Variants in SENP7 observed in about 807,000 individuals in gnomAD.
The protein encoded by SENP7 is SUMO specific peptidase 7.
In SENP7, 64 loss-of-function variants were observed where a neutral mutation model predicts 141.2. That is an observed-to-expected ratio of 0.45 (90% confidence interval 0.37 to 0.56). The LOEUF is 0.56. Among genes scored for constraint, SENP7 ranks in the 20% least tolerant of loss-of-function variants. The probability of loss-of-function intolerance (pLI) is 0.00; values close to 1 mark genes in which losing one functional copy is unlikely to be tolerated. For synonymous variants in SENP7, 382 were observed against 426.4 expected, an observed-to-expected ratio of 0.90 and a Z score of 1.28; for missense variants, 1,025 against 1,212.2, an observed-to-expected ratio of 0.85 and a Z score of 2.29.
Position 101,384,937 on chromosome 3 carries a change from C to T in SENP7, c.678-12811G>A, listed in dbSNP as rs529437060. 1.7e-4 allele frequency among the ~76,000 whole-genome samples: 26 copies of T among 152,266 alleles called. No homozygotes were observed. The Middle Eastern group carries it at 0.01, about 60-fold the overall frequency. On this transcript the variant is annotated intron_variant, in intron 6 of 23. Coordinates refer to ENST00000394095, the MANE Select transcript of SENP7 (RefSeq NM_020654.5). Reference sequence around the variant, plus strand: ...TAAACCTCATTTCTTACATACTACCCAGTATTGGGTATTTCACTAATAGCA... The same window carrying T: ...TAAACCTCATTTCTTACATACTACCTAGTATTGGGTATTTCACTAATAGCA...
At chr3:101,488,632 A>C (rs1162010778) in intron 3 of SENP7, among the ~76,000 whole-genome samples, 3 of 152,198 alleles carry the variant, frequency 2.0e-5, no homozygotes, top group Non-Finnish European at 2.9e-5. Flanking sequence ...GCCTGAGCTC[A>C]GAAGTTCGAG....
intron 4 of SENP7, among the ~76,000 whole-genome samples, chr3:101,452,506 C>A (rs1310397272): frequency 6.6e-6 from 1 of 152,128 alleles, no homozygotes; most frequent in Non-Finnish European, 1.5e-5. Context: ...GGTACTGGTA[C>A]CAAAACAGAG....
rs992528262 is a variant in SENP7, at chr3:101,380,440, C to CG, written c.678-8315_678-8314insC. Among the ~76,000 whole-genome samples, 19 of 105,642 alleles carry CG rather than the reference C, an allele frequency of 1.8e-4. 1 individual carries two copies. The highest frequency in any genetic ancestry group is 1.7e-3 in the Admixed American group (14 of 8,196). The allele number at this position is 105,642 out of a possible 152,430, so 69.3% of individuals were successfully genotyped here. Reference sequence around the variant, plus strand: ...AGAACGTAAAGCAAACCACCGCCCCCCCCCCCACACACACACACAAAACAA... The same window carrying CG: ...AGAACGTAAAGCAAACCACCGCCCCCGCCCCCCACACACACACACAAAACAA... On this transcript the variant is annotated intron_variant, in intron 6 of 23. Transcript: ENST00000394095.
At chr3:101,328,340 T>C in intron 22 of SENP7, 138 bp downstream of exon 22, 1 of 579,218 alleles carries the variant, frequency 1.7e-6, no homozygotes, top group Non-Finnish European at 3.1e-6. Context: ...TATTTATTAT[T>C]GATTAAATTT....
At chr3:101,342,458 T>G (rs1174075190) in intron 14 of SENP7, among the ~76,000 whole-genome samples, 2 of 152,214 alleles carry the variant, frequency 1.3e-5, no homozygotes, top group East Asian at 3.8e-4. Context: ...ATTTTAGACT[T>G]ACAAAAGAGT....
rs2058853940 is a variant in SENP7, at chr3:101,324,518, G to A, written c.*1425C>T. On this transcript the variant is annotated 3_prime_UTR_variant, in exon 24 of 24. Coordinates refer to ENST00000394095, the MANE Select transcript of SENP7 (RefSeq NM_020654.5). ...GTACCCCCCAACACACACAAATTGG[G>A]AATGAAATATGTAATTATAGCCATC... The A allele has an allele frequency of 6.6e-6, 1 of 151,816 alleles. No individual in the cohort carries two copies. Among genetic ancestry groups the A allele is most frequent in the African/African-American group, 2.4e-5 (1 of 41,342 alleles). 9.4% of individuals were successfully genotyped at this position (151,816 alleles called of 1,614,324 possible). A position where few individuals can be genotyped will look rare whatever the true frequency, so the allele number is the denominator to read the frequency against.
At chr3:101,370,654 T>G (rs1576123697) in intron 7 of SENP7, among the ~76,000 whole-genome samples, 2 of 152,204 alleles carry the variant, frequency 1.3e-5, no homozygotes, top group Non-Finnish European at 2.9e-5. Flanking sequence ...AATCTACAGA[T>G]GCAGAACACA....
rs1370087695 is a variant in SENP7, at chr3:101,343,744, C to T, written c.2048G>A (p.Cys683Tyr). The T allele has an allele frequency of 1.9e-6, 3 of 1,613,300 alleles. No homozygotes were observed. In the African/African-American group the frequency reaches 4.0e-5, roughly 22 times the overall value. ...SFIHYYCVSTCSFPAGVAVAE... is the reference protein window; with the variant it reads ...SFIHYYCVSTYSFPAGVAVAE... ...AACAGCAACACCAGCAGGGAAAGAA[C>T]AAGTTGAAACACAGTAATAATGAAT... Residue 683 changes from cysteine to tyrosine, a missense_variant, in exon 14 of 24, where the codon TGT becomes TAT. Transcript: ENST00000394095.
chr3:101,458,946 A>C lies in SENP7; in HGVS notation c.284+9T>G, dbSNP rs372853622. On this transcript the variant is annotated intron_variant, in intron 4 of 23. Coordinates refer to ENST00000394095, the MANE Select transcript of SENP7 (RefSeq NM_020654.5). The stretch of plus-strand genomic sequence containing the variant: ...AGCCCATACTATGTCGCACACACAC[A>C]TATCTTACCTTTCTGGTGATGACTT... The C allele has an allele frequency of 3.7e-5, 58 of 1,547,466 alleles. No homozygotes were observed. In the South Asian group the frequency reaches 6.4e-4, roughly 17 times the overall value.
chr3:101,500,264 T>A (rs778956105), intron 2 of SENP7, among the ~76,000 whole-genome samples: 6 of 152,206 alleles, frequency 3.9e-5, no homozygotes, highest in African/African-American at 9.6e-5. Context: ...GAAAAAAAAT[T>A]ATCTCTATAT....
intron 3 of SENP7, among the ~76,000 whole-genome samples, chr3:101,478,320 A>G (rs1362535418): frequency 6.6e-6 from 1 of 152,076 alleles, no homozygotes; most frequent in Non-Finnish European, 1.5e-5. Context: ...GAGTTTAAGA[A>G]CAGCCTAGGC....
At chr3:101,506,206 G>C (rs1207559402) in intron 1 of SENP7, among the ~76,000 whole-genome samples, 1 of 151,798 alleles carries the variant, frequency 6.6e-6, no homozygotes, top group Admixed American at 6.6e-5. Context: ...GTTTAGTAGA[G>C]AGAGAGTTTC....
rs1430642458 is a variant in SENP7 at position 101,513,208 on chromosome 3, G to T, written c.-78C>A. On this transcript the variant is annotated 5_prime_UTR_variant, in exon 1 of 24. Coordinates refer to ENST00000394095, the MANE Select transcript of SENP7 (RefSeq NM_020654.5). ...CCGGCTTGGAGAGGGAGGGGGAGGG[G>T]AAAGGAAAAAAAAAAAAAAAAAAAA... 1 of 261,570 alleles carries T rather than the reference G, an allele frequency of 3.8e-6. No homozygotes were observed. The highest frequency in any genetic ancestry group is 6.7e-6 in the Non-Finnish European group (1 of 149,134). 16.2% of individuals were successfully genotyped at this position (261,570 alleles called of 1,614,324 possible). A position where few individuals can be genotyped will look rare whatever the true frequency, so the allele number is the denominator to read the frequency against.
Position 101,356,655 on chromosome 3 carries a change from T to G in SENP7, c.1624-5004A>C, listed in dbSNP as rs6801150. On this transcript the variant is annotated intron_variant, in intron 11 of 23. Coordinates refer to ENST00000394095, the MANE Select transcript of SENP7 (RefSeq NM_020654.5). ...TAGAATCAATTTTGAATTAAATATT[T>G]TTTCATATTTACTGCATCGGCAAAA... Among the ~76,000 whole-genome samples the G allele has an allele frequency of 9.5e-3, 1,446 of 152,334 alleles. 26 individuals carry two copies. Among genetic ancestry groups the G allele is most frequent in the African/African-American group, 0.033 (1,392 of 41,584 alleles).
At chr3:101,486,202 A>G (rs1288501806) in intron 3 of SENP7, among the ~76,000 whole-genome samples, 1 of 151,938 alleles carries the variant, frequency 6.6e-6, no homozygotes, top group Non-Finnish European at 1.5e-5. Context: ...ATAACCAAGG[A>G]AAACTTCCCT....
At chr3:101,488,618 G>A (rs1030791735) in intron 3 of SENP7, among the ~76,000 whole-genome samples, 1 of 152,202 alleles carries the variant, frequency 6.6e-6, no homozygotes, top group African/African-American at 2.4e-5. Context: ...GAGGCAGCTG[G>A]ATTGCCTGAG....
At chr3:101,428,028 A>G (rs576402025) in intron 4 of SENP7, among the ~76,000 whole-genome samples, 10 of 152,198 alleles carry the variant, frequency 6.6e-5, no homozygotes, top group African/African-American at 2.4e-4. Context: ...ACATGAAATC[A>G]TCCTTTTTTA....
At chr3:101,464,885 T>C (rs1452013763) in intron 3 of SENP7, among the ~76,000 whole-genome samples, 1 of 151,846 alleles carries the variant, frequency 6.6e-6, no homozygotes, top group African/African-American at 2.4e-5. Context: ...GATAGACCAA[T>C]AGAAATATTC....
rs1361799124 is a variant in SENP7 at position 101,357,840 on chromosome 3, C to T, written c.1623+3875G>A. 8 of 569,132 alleles carry T rather than the reference C, an allele frequency of 1.4e-5. 1 individual carries two copies. The highest frequency in any genetic ancestry group is 5.0e-5 in the South Asian group (3 of 59,472). The allele number at this position is 569,132 out of a possible 1,614,324, so 35.3% of individuals were successfully genotyped here. ...TAAGAAAGTTCATACTGGAGAGAAA[C>T]GCTACAGATGTGAAGAATCTGGCAA... On this transcript the variant is annotated intron_variant, in intron 11 of 23. Coordinates refer to ENST00000394095, the MANE Select transcript of SENP7 (RefSeq NM_020654.5).
Sources: allele counts gnomAD v4.1 joint callset (sites outside exome capture counted in the v4.1 genomes callset), GRCh38; gene constraint gnomAD v4.1.1; transcripts MANE v1.5; gene names NCBI Gene and HGNC (gene_info 2026-07-23, HGNC 2026-07-21).